WIPF3: variants seen among roughly 807,000 people sequenced by gnomAD.
WIPF3 encodes WAS/WASL interacting protein family member 3.
In WIPF3, 33 loss-of-function variants were observed where a neutral mutation model predicts 38.9. The ratio of observed to expected loss-of-function variants is 0.85; its 90% CI spans 0.64 to 1.14. The LOEUF (loss-of-function observed/expected upper bound fraction) is 1.14, where lower values mean the gene tolerates loss of function less well. Ranked by LOEUF, WIPF3 falls within the 50% of genes most tolerant of loss-of-function variation. WIPF3 has a pLI of 0.00. For missense variants in WIPF3, 711 were observed against 652.5 expected, an observed-to-expected ratio of 1.09 and a Z score of -0.98; for synonymous variants, 324 against 269.3, an observed-to-expected ratio of 1.20 and a Z score of -1.99.
At position 29,888,154 on chromosome 7, in the gene WIPF3, A is replaced by G. The variant is rs943973004; in HGVS notation, c.1186A>G (p.Thr396Ala). The G allele has an allele frequency of 6.2e-7, 1 of 1,613,726 alleles. No homozygotes were observed. Among genetic ancestry groups the G allele is most frequent in the Non-Finnish European group, 8.5e-7 (1 of 1,179,756 alleles). ...TELSSKSQQA[T>A]AWTPTQQPGG... ...GCTTTCAAGCAAGAGCCAGCAGGCC[A>G]CAGCCTGGACCCCGACGCAGCAGCC... Residue 396 changes from threonine (T) to alanine (A), a missense_variant, in exon 6 of 9, where the codon ACA (threonine) becomes GCA (alanine). Physicochemically the swap from Thr to Ala is moderately conservative, Grantham distance 58. Coordinates refer to ENST00000242140, the MANE Select transcript of WIPF3 (RefSeq NM_001080529.3).
chr7:29,887,928 C>G, intron 5 of WIPF3, 140 bp from the exon 6 acceptor site: 2 of 979,004 alleles, frequency 2.0e-6, no homozygotes, highest in Non-Finnish European at 3.0e-6. Context: ...CAGTGCCAAG[C>G]AGGTTGACTC....
intron 2 of WIPF3, among the ~76,000 whole-genome samples, chr7:29,839,973 T>G (rs376334865): frequency 1.1e-4 from 17 of 152,364 alleles, no homozygotes; most frequent in African/African-American, 4.1e-4. Flanking sequence ...AAATATTTTG[T>G]GGAAGTTTCT....
chr7:29,851,722 G>A (rs909034580), intron 2 of WIPF3, among the ~76,000 whole-genome samples: 2 of 152,230 alleles, frequency 1.3e-5, no homozygotes, highest in African/African-American at 2.4e-5. Flanking sequence ...GCCGCATGCT[G>A]GTGCAGGCTG....
intron 7 of WIPF3, among the ~76,000 whole-genome samples, chr7:29,890,767 G>A (rs1785992378): frequency 6.8e-6 from 1 of 147,780 alleles, no homozygotes; most frequent in Non-Finnish European, 1.5e-5. Context: ...GCTCAGGCCT[G>A]CCCTGTGTTC....
intron 8 of WIPF3, among the ~76,000 whole-genome samples, chr7:29,907,478 T>C (rs1384968345): frequency 6.6e-6 from 1 of 152,242 alleles, no homozygotes; most frequent in East Asian, 1.9e-4. Flanking sequence ...TCCTATGGGC[T>C]ATGGCCTGAA....
At chr7:29,858,760 A>T (rs1193066067) in intron 2 of WIPF3, among the ~76,000 whole-genome samples, 1 of 152,168 alleles carries the variant, frequency 6.6e-6, no homozygotes, top group Admixed American at 6.5e-5. Flanking sequence ...GGAGAGTTTG[A>T]GGTGGCCCCA....
intron 8 of WIPF3, chr7:29,904,586 A>G (rs76313654): frequency 3.9e-6 from 2 of 518,688 alleles, no homozygotes; most frequent in Non-Finnish European, 6.8e-6. Context: ...TCACCACTAC[A>G]TATAGAAGCA....
At chr7:29,890,291 G>A (rs1785976490) in intron 7 of WIPF3, among the ~76,000 whole-genome samples, 1 of 151,372 alleles carries the variant, frequency 6.6e-6, no homozygotes, top group Non-Finnish European at 1.5e-5. Context: ...GTTGGAGGCT[G>A]CAGTGAGCTA....
In WIPF3 at chr7:29,817,995, A is replaced by G. The variant is rs149114652; in HGVS notation, c.-58+11317A>G. ...TTGAAGTTTTATTTCATGTCTTTGC[A>G]TATTTTGTTAAGTTTATGCTTAGGT... On this transcript the variant is annotated intron_variant, in intron 1 of 8. Coordinates refer to ENST00000242140, the MANE Select transcript of WIPF3 (RefSeq NM_001080529.3). 3.6e-3 allele frequency among the ~76,000 whole-genome samples: 543 copies of G among 152,148 alleles called. 4 individuals carry two copies. Among genetic ancestry groups the G allele is most frequent in the Middle Eastern group, 0.014 (4 of 294 alleles).
At chr7:29,822,122 AG>A (rs1784546001) in intron 1 of WIPF3, among the ~76,000 whole-genome samples, 1 of 39,316 alleles carries the variant, frequency 2.5e-5, no homozygotes, top group Admixed American at 2.7e-4. Context: ...CTTTTTTCTT[AG>A]TTTTTTTTTT....
rs1786543859 is a variant in WIPF3, at chr7:29,913,457, GA to G, written c.1429-1035del. On this transcript the variant is annotated intron_variant, in intron 8 of 8. Transcript: ENST00000242140. ...GCATTCACTCTAGAAGACTATGGCTGATTTGTACTTTCTTCTTTTGGCGTTT... is the reference window on the plus strand; with the variant it reads ...GCATTCACTCTAGAAGACTATGGCTGTTTGTACTTTCTTCTTTTGGCGTTT... Among the ~76,000 whole-genome samples, 3 of 151,998 alleles carry G rather than the reference GA, an allele frequency of 2.0e-5. No individual in the cohort carries two copies. In the South Asian group the frequency reaches 6.2e-4, roughly 32 times the overall value.
chr7:29,822,123 G>GTTTTTTTTTTTTTTTTTTTTTTGT, intron 1 of WIPF3, among the ~76,000 whole-genome samples: 4 of 62,876 alleles, frequency 6.4e-5, no homozygotes, highest in Admixed American at 2.0e-4. Flanking sequence ...TTTTTTCTTA[G>GTTTTTTTTTTTTTTTTTTTTTTGT]TTTTTTTTTT....
intron 1 of WIPF3, among the ~76,000 whole-genome samples, chr7:29,827,475 C>G (rs184569283): frequency 2.0e-4 from 31 of 151,944 alleles, no homozygotes; most frequent in Non-Finnish European, 3.4e-4. Context: ...CGTTGAGAAC[C>G]CTTTATTTGT....
At chr7:29,869,040 A>AT (rs1299962292) in intron 2 of WIPF3, among the ~76,000 whole-genome samples, 2 of 140,202 alleles carry the variant, frequency 1.4e-5, no homozygotes, top group Non-Finnish European at 3.1e-5. Flanking sequence ...TTTTTTTTTC[A>AT]TTTTTTGAGA....
In WIPF3 at chr7:29,857,336, C is replaced by A. The variant is rs935221954; in HGVS notation, c.91-18494C>A. On this transcript the variant is annotated intron_variant, in intron 2 of 8. Coordinates refer to ENST00000242140, the MANE Select transcript of WIPF3 (RefSeq NM_001080529.3). The stretch of plus-strand genomic sequence containing the variant: ...GAATCATGGCAACGTGTCCCTGATT[C>A]TTTTGGAAAATATAAATTGATGAAT... Among the ~76,000 whole-genome samples the A allele has an allele frequency of 2.0e-5, 3 of 152,202 alleles. No individual in the cohort carries two copies. In the East Asian group the frequency reaches 5.8e-4, roughly 29 times the overall value.
chr7:29,870,027 T>G (rs1239754967), intron 2 of WIPF3, among the ~76,000 whole-genome samples: 8 of 152,188 alleles, frequency 5.3e-5, no homozygotes, highest in Admixed American at 4.6e-4. Context: ...GGGTAGTAGA[T>G]GCTCTGCTAA....
chr7:29,833,285 G>A (rs923024803), intron 1 of WIPF3, among the ~76,000 whole-genome samples: 6 of 152,218 alleles, frequency 3.9e-5, no homozygotes, highest in South Asian at 2.1e-4. Context: ...TAACGCCACT[G>A]AATTGTATAC....
chr7:29,830,421 A>G (rs1784699429), intron 1 of WIPF3, among the ~76,000 whole-genome samples: 1 of 152,246 alleles, frequency 6.6e-6, no homozygotes, highest in Admixed American at 6.5e-5. Context: ...GTGGTACAGT[A>G]GAAATGAGGT....
chr7:29,874,355 G>A (rs1785549944), intron 2 of WIPF3, among the ~76,000 whole-genome samples: 1 of 151,988 alleles, frequency 6.6e-6, no homozygotes, highest in Non-Finnish European at 1.5e-5. Flanking sequence ...AGTCCTTGGG[G>A]TTAATGAACA....
Sources: allele counts gnomAD v4.1 joint callset (sites outside exome capture counted in the v4.1 genomes callset), GRCh38; gene constraint gnomAD v4.1.1; transcripts MANE v1.5; gene names NCBI Gene and HGNC (gene_info 2026-07-23, HGNC 2026-07-21).